The following ARHGEF18 variants were observed in gnomAD, a reference collection of about 807,000 sequenced individuals.
ARHGEF18 encodes the protein Rho/Rac guanine nucleotide exchange factor 18, also known as rho guanine nucleotide exchange factor 18.
Under a neutral mutation model 155.7 loss-of-function variants are expected in ARHGEF18, and 93 were observed. That is an observed-to-expected ratio of 0.60 (90% CI 0.50 to 0.71). The LOEUF (loss-of-function observed/expected upper bound fraction) is 0.71. ARHGEF18 is among the 30% of genes least tolerant of loss of function. The pLI, the probability that ARHGEF18 is intolerant of heterozygous loss-of-function variation, is 0.00. For synonymous variants in ARHGEF18, 742 were observed against 753.1 expected, an observed-to-expected ratio of 0.99 and a Z score of 0.24; for missense variants, 1,593 against 1,816.1, an observed-to-expected ratio of 0.88 and a Z score of 2.23.
chr19:7,445,182 C>T (rs1034920117), intron 14 of ARHGEF18, among the ~76,000 whole-genome samples: 3 of 152,148 alleles, frequency 2.0e-5, no homozygotes, highest in African/African-American at 7.2e-5. Context: ...TGCAGTGGCC[C>T]ACACCTGTAA....
At chr19:7,473,713 A>C (rs184242383), downstream of ARHGEF18, among the ~76,000 whole-genome samples, 50 of 150,032 alleles carry the variant, frequency 3.3e-4, no homozygotes, top group East Asian at 1.8e-3. Context: ...GGGAGGCTGA[A>C]GCAGGAGAAT....
chr19:7,383,808 T>C (rs906128108), intron 10 of ARHGEF18, among the ~76,000 whole-genome samples: 1 of 117,730 alleles, frequency 8.5e-6, no homozygotes. Context: ...AGTGGGGGAG[T>C]AGGATTGCAA....
chr19:7,442,124 C>CCCTTCCTTCCTCCCTT, intron 13 of ARHGEF18, 72 bp downstream of exon 13: 1 of 1,128,572 alleles, frequency 8.9e-7, no homozygotes, highest in Non-Finnish European at 1.3e-6. Flanking sequence ...CTTCCTCCCT[C>CCCTTCCTTCCTCCCTT]CCTTCCTTCC....
intron 10 of ARHGEF18, among the ~76,000 whole-genome samples, chr19:7,385,933 T>C (rs1203015955): frequency 1.1e-3 from 88 of 79,510 alleles, no homozygotes; most frequent in Non-Finnish European, 1.6e-3. Flanking sequence ...TCTCTCTCTC[T>C]CTCCCCCTCT....
chr19:7,425,599 T>C (rs905830673), intron 10 of ARHGEF18, among the ~76,000 whole-genome samples: 5 of 151,648 alleles, frequency 3.3e-5, no homozygotes, highest in African/African-American at 1.2e-4. Context: ...GGAGAATTGC[T>C]TGAACCTGGG....
intron 3 of ARHGEF18, among the ~76,000 whole-genome samples, chr19:7,373,470 TTTTTTTG>T (rs1970292542): frequency 2.7e-5 from 4 of 149,774 alleles, no homozygotes; most frequent in African/African-American, 9.9e-5. Flanking sequence ...TTTGTTTTTT[TTTTTTTG>T]TTTTTGTTTT....
rs772497446 is a variant in ARHGEF18 at position 7,456,414 on chromosome 19, T to C, written c.2181+11T>C. The C allele has an allele frequency of 3.6e-5, 58 of 1,613,002 alleles. No homozygotes were observed. The highest frequency in any genetic ancestry group is 1.6e-4 in the Middle Eastern group (1 of 6,084). On this transcript the variant is annotated intron_variant, in intron 18 of 28. Transcript: ENST00000668164. ...GTCTTTGCTTCTGTGGTATGTATCC[T>C]GTCTCTTCAGACGAAGGGTCGGCTG...
chr19:7,458,721 C>T, intron 19 of ARHGEF18, 31 bp downstream of exon 19: 1 of 1,586,354 alleles, frequency 6.3e-7, no homozygotes, highest in South Asian at 1.1e-5. Context: ...TCCCCACCCA[C>T]TGTGTTCCTT....
chr19:7,420,471 T>C (rs1973285747), intron 10 of ARHGEF18, among the ~76,000 whole-genome samples: 1 of 152,156 alleles, frequency 6.6e-6, no homozygotes, highest in Admixed American at 6.5e-5. Flanking sequence ...CAGGCTGGTC[T>C]TGAACTCCCA....
Position 7,440,158 on chromosome 19 carries a change from C to T in ARHGEF18, c.968-186C>T. ...AGGCACAGCGCGCTCCCCGGCCGCCCCGAGCTGTCTTTTTACGGCTCTTTC... is the reference window on the plus strand; with the variant it reads ...AGGCACAGCGCGCTCCCCGGCCGCCTCGAGCTGTCTTTTTACGGCTCTTTC... On this transcript the variant is annotated intron_variant, in intron 10 of 28. Coordinates refer to ENST00000668164, the MANE Select transcript of ARHGEF18 (RefSeq NM_001367823.1). The surrounding 1 kb of genome is among the most constrained non-coding windows in gnomAD (Gnocchi z 5.4). 6.4e-7 allele frequency: 1 copy of T among 1,551,406 alleles called. No homozygotes were observed. The highest frequency in any genetic ancestry group is 2.4e-5 in the East Asian group (1 of 40,904).
chr19:7,456,057 G>A (rs982122311), intron 17 of ARHGEF18, among the ~76,000 whole-genome samples: 1 of 152,178 alleles, frequency 6.6e-6, no homozygotes, highest in Non-Finnish European at 1.5e-5. Flanking sequence ...GAGAATTGCC[G>A]GGCACAGTGG....
chr19:7,459,783 A>G, intron 19 of ARHGEF18, 120 bp from the exon 20 acceptor site: 1 of 791,034 alleles, frequency 1.3e-6, no homozygotes. Flanking sequence ...CACCACGAAC[A>G]AGCTAAATCA....
At chr19:7,394,013 CTCTT>C (rs1159382828) in intron 10 of ARHGEF18, among the ~76,000 whole-genome samples, 12 of 110,532 alleles carry the variant, frequency 1.1e-4, no homozygotes, top group Admixed American at 4.8e-4. Context: ...TCTATGCTGC[CTCTT>C]TTTTTGTTGT....
rs548305968 is a variant in ARHGEF18 at position 7,378,684 on chromosome 19, C to CTTTTTTTTTTTTTT, written c.599+246_599+259dup. On this transcript the variant is annotated intron_variant, in intron 6 of 28. Coordinates refer to ENST00000668164, the MANE Select transcript of ARHGEF18 (RefSeq NM_001367823.1). ...ATGTAGCCTTGGGAGACAATTGTGG[C>CTTTTTTTTTTTTTT]TTTTTTTTTTTTTTTTTTTTTTTTT... Among the ~76,000 whole-genome samples, 4 of 88,134 alleles carry CTTTTTTTTTTTTTT rather than the reference C, an allele frequency of 4.5e-5. 2 individuals carry two copies. Among genetic ancestry groups the CTTTTTTTTTTTTTT allele is most frequent in the African/African-American group, 1.0e-4 (2 of 19,458 alleles). 57.8% of individuals were successfully genotyped at this position (88,134 alleles called of 152,430 possible). A position where few individuals can be genotyped will look rare whatever the true frequency, so the allele number is the denominator to read the frequency against.
chr19:7,440,312 C>G lies in ARHGEF18; in HGVS notation c.968-32C>G, dbSNP rs1359257733. On this transcript the variant is annotated intron_variant, in intron 10 of 28. Coordinates refer to ENST00000668164, the MANE Select transcript of ARHGEF18 (RefSeq NM_001367823.1). This position sits in a 1 kb window ranked among gnomAD's most constrained non-coding sequence, Gnocchi z 5.4. ...ACCTCCGCTACCCGACCCACTTTCT[C>G]AGCACCAACTCTGTCCTTGCCTCTG... 1.2e-6 allele frequency: 2 copies of G among 1,603,380 alleles called. No individual in the cohort carries two copies. Among genetic ancestry groups the G allele is most frequent in the South Asian group, 1.1e-5 (1 of 89,774 alleles).
intron 1 of ARHGEF18, among the ~76,000 whole-genome samples, chr19:7,358,002 A>G (rs750759669): frequency 3.9e-5 from 6 of 152,056 alleles, no homozygotes; most frequent in Non-Finnish European, 8.8e-5. Context: ...TCACCCCCTC[A>G]GAATGCCATC....
At chr19:7,464,981 C>T (rs1054874190) in intron 23 of ARHGEF18, among the ~76,000 whole-genome samples, 1 of 152,218 alleles carries the variant, frequency 6.6e-6, no homozygotes, top group Non-Finnish European at 1.5e-5. Context: ...ACAGGGACCA[C>T]CAGCTTTCAG....
Position 7,470,381 on chromosome 19 carries a change from G to C in ARHGEF18, c.*83G>C. 2.4e-6 allele frequency: 3 copies of C among 1,246,534 alleles called. No homozygotes were observed. Among genetic ancestry groups the C allele is most frequent in the Non-Finnish European group, 3.1e-6 (3 of 974,286 alleles). The allele number at this position is 1,246,534 out of a possible 1,614,324, so 77.2% of individuals were successfully genotyped here. A position where few individuals can be genotyped will look rare whatever the true frequency, so the allele number is the denominator to read the frequency against. On this transcript the variant is annotated 3_prime_UTR_variant, in exon 29 of 29. Transcript: ENST00000668164. The surrounding 1 kb of genome is among the most constrained non-coding windows in gnomAD (Gnocchi z 5.9). ...CTGGGGACCCCCATGGGGTCACCATGCCCACCCAGCTGTCCCCTCCTCTTC... is the reference window on the plus strand; with the variant it reads ...CTGGGGACCCCCATGGGGTCACCATCCCCACCCAGCTGTCCCCTCCTCTTC...
intron 3 of ARHGEF18, among the ~76,000 whole-genome samples, chr19:7,374,765 C>T (rs1970355664): frequency 6.6e-6 from 1 of 152,136 alleles, no homozygotes; most frequent in Admixed American, 6.6e-5. Flanking sequence ...GAGAGTACGG[C>T]CACGATCAGC....
Sources: allele counts gnomAD v4.1 joint callset (sites outside exome capture counted in the v4.1 genomes callset), GRCh38; gene constraint gnomAD v4.1.1; non-coding constraint Gnocchi (gnomAD v3.1); transcripts MANE v1.5; gene names NCBI Gene and HGNC (gene_info 2026-07-23, HGNC 2026-07-21).